TBC1D23: variants seen among roughly 807,000 people sequenced by gnomAD.
TBC1D23 encodes HCV non-structural protein 4A-transactivated protein 1.
A neutral mutation model predicts 91.4 loss-of-function variants in TBC1D23; 55 were observed. The ratio of observed to expected loss-of-function variants is 0.60; its 90% CI spans 0.48 to 0.75. The LOEUF (loss-of-function observed/expected upper bound fraction) is 0.75, where lower values mean the gene tolerates loss of function less well. Among genes scored for constraint, TBC1D23 ranks in the 30% least tolerant of loss-of-function variants. The pLI, the probability that TBC1D23 is intolerant of heterozygous loss-of-function variation, is 0.00. For synonymous variants in TBC1D23, 289 were observed against 281.0 expected (o/e 1.03, Z -0.28); for missense variants, 725 against 836.1 (o/e 0.87, Z 1.64).
At chr3:100,311,754 G>A in intron 14 of TBC1D23, 79 bp from the exon 15 acceptor site, 1 of 945,658 alleles carries the variant, frequency 1.1e-6, no homozygotes, top group Non-Finnish European at 1.6e-6. Flanking sequence ...AAACTAAACT[G>A]TACCATATTT....
chr3:100,319,341 T>G (rs777975199), intron 17 of TBC1D23, 137 bp downstream of exon 17: 3 of 716,838 alleles, frequency 4.2e-6, no homozygotes, highest in African/African-American at 1.8e-5. Context: ...GTATTACAGG[T>G]CTTGAATTTA....
intron 5 of TBC1D23, 65 bp downstream of exon 5, chr3:100,290,766 GTT>G: frequency 1.9e-6 from 2 of 1,046,376 alleles, no homozygotes; most frequent in Non-Finnish European, 1.3e-6. Context: ...AGTTAGGTGG[GTT>G]TTTTTTTTCA....
chr3:100,276,107 A>G (rs1325381576), intron 1 of TBC1D23, among the ~76,000 whole-genome samples: 1 of 150,530 alleles, frequency 6.6e-6, no homozygotes, highest in Non-Finnish European at 1.5e-5. Context: ...AAAAAAGGAG[A>G]TGAACTAAGT....
At chr3:100,297,486 A>G (rs566870719) in intron 8 of TBC1D23, among the ~76,000 whole-genome samples, 6 of 152,318 alleles carry the variant, frequency 3.9e-5, no homozygotes, top group African/African-American at 9.6e-5. Flanking sequence ...TTCTTATTCA[A>G]GAGCTGCACC....
intron 17 of TBC1D23, 66 bp downstream of exon 17, chr3:100,319,270 A>T: frequency 7.6e-7 from 1 of 1,311,336 alleles, no homozygotes; most frequent in Non-Finnish European, 1.1e-6. Flanking sequence ...TACAAAACTG[A>T]ACTACAGAAG....
At chr3:100,314,771 C>A (rs1442818929) in intron 15 of TBC1D23, among the ~76,000 whole-genome samples, 4 of 152,164 alleles carry the variant, frequency 2.6e-5, no homozygotes, top group African/African-American at 9.7e-5. Context: ...GAGTGAGACC[C>A]TGGCTCTAAA....
intron 18 of TBC1D23, among the ~76,000 whole-genome samples, chr3:100,322,759 G>A (rs34314126): frequency 0.25 from 37,862 of 151,716 alleles, 5,072 homozygotes; most frequent in East Asian, 0.5. Flanking sequence ...TATTATATAT[G>A]GATCAACATC....
chr3:100,313,010 AAATAAT>A (rs3081898), intron 15 of TBC1D23, among the ~76,000 whole-genome samples: 6 of 149,410 alleles, frequency 4.0e-5, no homozygotes, highest in East Asian at 2.0e-4. Flanking sequence ...GCGTCTCAAA[AAATAAT>A]AATAATAATA....
chr3:100,302,011 C>T, intron 10 of TBC1D23, 56 bp from the exon 11 acceptor site: 5 of 1,411,612 alleles, frequency 3.5e-6, no homozygotes, highest in Non-Finnish European at 4.8e-6. Flanking sequence ...TTCAAATTTA[C>T]AAATATATGT....
chr3:100,278,385 GA>G (rs1201239800), intron 1 of TBC1D23, among the ~76,000 whole-genome samples: 7 of 150,342 alleles, frequency 4.7e-5, no homozygotes, highest in Non-Finnish European at 8.9e-5. Flanking sequence ...GGAATTGATT[GA>G]TTTTTTTTTT....
chr3:100,310,301 T>C, intron 13 of TBC1D23, 102 bp from the exon 14 acceptor site: 2 of 1,023,318 alleles, frequency 2.0e-6, no homozygotes, highest in Non-Finnish European at 2.9e-6. Context: ...ACATATGATT[T>C]TGGTGGGATT....
At chr3:100,292,141 T>C (rs959655906) in intron 5 of TBC1D23, among the ~76,000 whole-genome samples, 1 of 152,182 alleles carries the variant, frequency 6.6e-6, no homozygotes, top group Non-Finnish European at 1.5e-5. Flanking sequence ...AGGGAATATA[T>C]ATGCAAAAGG....
chr3:100,295,466 ACT>A (rs1431822630), intron 7 of TBC1D23, 118 bp downstream of exon 7: 1 of 747,194 alleles, frequency 1.3e-6, no homozygotes, highest in Non-Finnish European at 2.1e-6. Flanking sequence ...GCTCCATTCA[ACT>A]CTCAGATTAT....
intron 4 of TBC1D23, among the ~76,000 whole-genome samples, chr3:100,286,435 TTAA>T (rs2067742391): frequency 1.3e-5 from 2 of 152,142 alleles, no homozygotes; most frequent in African/African-American, 4.8e-5. Flanking sequence ...AGGGCCAGCA[TTAA>T]TAGCCCTGGA....
intron 4 of TBC1D23, among the ~76,000 whole-genome samples, chr3:100,284,880 A>G (rs2067726274): frequency 6.6e-6 from 1 of 152,226 alleles, no homozygotes; most frequent in South Asian, 2.1e-4. Flanking sequence ...ATGAGTAATT[A>G]AATGAAAATC....
At chr3:100,306,332 C>A in intron 12 of TBC1D23, 105 bp from the exon 13 acceptor site, 1 of 647,770 alleles carries the variant, frequency 1.5e-6, no homozygotes, top group Non-Finnish European at 2.7e-6. Flanking sequence ...TTCCTTCAGT[C>A]CTTTTTTCTC....
At position 100,324,768 on chromosome 3, in the gene TBC1D23, C is replaced by G. The variant is rs1449590859; in HGVS notation, c.*1100C>G. 1 of 152,084 alleles carries G rather than the reference C, an allele frequency of 6.6e-6. No homozygotes were observed. Among genetic ancestry groups the G allele is most frequent in the Non-Finnish European group, 1.5e-5 (1 of 68,012 alleles). 9.4% of individuals were successfully genotyped at this position (152,084 alleles called of 1,614,324 possible). A position where few individuals can be genotyped will look rare whatever the true frequency, so the allele number is the denominator to read the frequency against. On this transcript the variant is annotated 3_prime_UTR_variant, in exon 19 of 19. Transcript: ENST00000394144. ...TTAGACACATTTGGTAAGAGAAGTC[C>G]AGGAACACATTTAGGGCCATGGAAT... is the stretch of plus-strand genomic sequence containing the variant.
rs149249251 is a variant in TBC1D23, at chr3:100,310,457, A to G, written c.1468A>G (p.Met490Val). Residue 490 changes from methionine to valine, a missense_variant, in exon 14 of 19, where the codon ATG becomes GTG. Transcript: ENST00000394144. ...DRGMKSLVNK[M>V]TVALKTKSVN... ...AGGAATGAAATCACTAGTAAATAAA[A>G]TGACTGTGGCTTTGAAGACAAAATC... 1.9e-4 allele frequency: 314 copies of G among 1,613,574 alleles called. No homozygotes were observed. The highest frequency in any genetic ancestry group is 2.5e-4 in the Non-Finnish European group (293 of 1,179,730).
At chr3:100,305,684 A>T (rs574606830) in intron 12 of TBC1D23, among the ~76,000 whole-genome samples, 1 of 152,140 alleles carries the variant, frequency 6.6e-6, no homozygotes, top group Non-Finnish European at 1.5e-5. Flanking sequence ...GAACATTAGG[A>T]TGTATTTCCT....
Sources: gnomAD v4.1 joint callset for allele counts (sites outside exome capture counted in the v4.1 genomes callset) on GRCh38, gnomAD v4.1.1 for gene constraint, MANE v1.5 for transcripts, NCBI Gene and HGNC (gene_info 2026-07-23, HGNC 2026-07-21) for gene names.